Variants in ANO2 observed in about 807,000 individuals in gnomAD.
ANO2 encodes anoctamin-2.
Under a neutral mutation model 124.2 loss-of-function variants are expected in ANO2, and 101 were observed. The observed-to-expected ratio is 0.81, with a 90% CI of 0.69 to 0.96. ANO2 has a LOEUF of 0.96. ANO2 is among the 40% of genes least tolerant of loss of function. ANO2 has a pLI of 0.00. For synonymous variants in ANO2, 486 were observed against 482.5 expected (o/e 1.01, Z -0.09); for missense variants, 1,293 against 1,274.5 (o/e 1.01, Z -0.22).
intron 14 of ANO2, among the ~76,000 whole-genome samples, chr12:5,672,340 C>T (rs111477918): frequency 2.6e-5 from 4 of 152,286 alleles, no homozygotes; most frequent in African/African-American, 4.8e-5. Context: ...GCTGAGTTGT[C>T]GGTGCATTCT....
intron 5 of ANO2, among the ~76,000 whole-genome samples, chr12:5,831,662 A>G (rs146928603): frequency 2.0e-5 from 3 of 152,334 alleles, no homozygotes; most frequent in African/African-American, 7.2e-5. Flanking sequence ...GTGTAGGATA[A>G]TATCAAACAC....
At chr12:5,592,165 A>G (rs999441728) in intron 20 of ANO2, among the ~76,000 whole-genome samples, 8 of 152,172 alleles carry the variant, frequency 5.3e-5, no homozygotes, top group African/African-American at 1.9e-4. Flanking sequence ...CGGGACTTCT[A>G]TTTCTCTACC....
At chr12:5,614,956 G>T (rs1944725333) in intron 17 of ANO2, among the ~76,000 whole-genome samples, 1 of 152,162 alleles carries the variant, frequency 6.6e-6, no homozygotes, top group Non-Finnish European at 1.5e-5. Flanking sequence ...TCTCTTCAGG[G>T]ACCACAGCCA....
intron 3 of ANO2, among the ~76,000 whole-genome samples, chr12:5,876,933 A>G (rs936516490): frequency 1.3e-5 from 2 of 152,224 alleles, no homozygotes; most frequent in African/African-American, 4.8e-5. Flanking sequence ...CTATGTAACG[A>G]ATCTGCAGAT....
At chr12:5,598,552 C>T (rs1057120561) in intron 20 of ANO2, among the ~76,000 whole-genome samples, 15 of 152,172 alleles carry the variant, frequency 9.9e-5, no homozygotes, top group African/African-American at 2.9e-4. Context: ...GATGGAGTTT[C>T]ACCATGTTGG....
intron 19 of ANO2, among the ~76,000 whole-genome samples, chr12:5,605,471 T>C (rs1944172761): frequency 6.6e-6 from 1 of 152,212 alleles, no homozygotes; most frequent in African/African-American, 2.4e-5. Flanking sequence ...GCGAGACATT[T>C]TGACCGTGGC....
chr12:5,674,023 G>T (rs1376440859), intron 14 of ANO2, among the ~76,000 whole-genome samples: 4 of 152,136 alleles, frequency 2.6e-5, no homozygotes, highest in Non-Finnish European at 4.4e-5. Flanking sequence ...TTTCATCTCT[G>T]AGGCATCCTT....
At chr12:5,669,252 C>CA (rs1418742338) in intron 14 of ANO2, among the ~76,000 whole-genome samples, 3 of 152,052 alleles carry the variant, frequency 2.0e-5, no homozygotes, top group Admixed American at 1.3e-4. Flanking sequence ...AGAGGTCCTT[C>CA]ACTTCCCTTT....
intron 20 of ANO2, among the ~76,000 whole-genome samples, chr12:5,596,453 G>T (rs1459578828): frequency 6.6e-6 from 1 of 152,118 alleles, no homozygotes; most frequent in Admixed American, 6.5e-5. Flanking sequence ...TAAAAGGTTG[G>T]ATTTGGGAGA....
intron 15 of ANO2, among the ~76,000 whole-genome samples, chr12:5,644,580 T>G (rs1946538597): frequency 6.6e-6 from 1 of 152,226 alleles, no homozygotes; most frequent in Non-Finnish European, 1.5e-5. Flanking sequence ...TAGTTCTATC[T>G]TTTTTAACCT....
intron 14 of ANO2, among the ~76,000 whole-genome samples, chr12:5,672,601 ACATGCATGTGTGTG>A (rs2136989571): frequency 2.0e-5 from 1 of 50,416 alleles, no homozygotes; most frequent in South Asian, 9.3e-4. Context: ...GTGTGTGTGC[ACATGCATGTGTGTG>A]TGCACATGTG....
chr12:5,945,093 G>A, intron 1 of ANO2, 103 bp downstream of exon 1: 1 of 1,134,004 alleles, frequency 8.8e-7, no homozygotes, highest in Non-Finnish European at 1.2e-6. Flanking sequence ...GCTCCCTTGG[G>A]GGTCCCCAAT....
chr12:5,930,522 A>G (rs1942317566), intron 1 of ANO2, among the ~76,000 whole-genome samples: 1 of 152,334 alleles, frequency 6.6e-6, no homozygotes, highest in East Asian at 1.9e-4. Flanking sequence ...TCCTAAGAAG[A>G]GTAGGCAACC....
chr12:5,685,764 G>C (rs1478956694), intron 14 of ANO2, among the ~76,000 whole-genome samples: 1 of 151,798 alleles, frequency 6.6e-6, no homozygotes, highest in African/African-American at 2.4e-5. Flanking sequence ...GCAACAAAGT[G>C]AGACCCTGTC....
intron 14 of ANO2, among the ~76,000 whole-genome samples, chr12:5,716,579 C>T (rs1035294012): frequency 6.6e-6 from 1 of 152,190 alleles, no homozygotes; most frequent in African/African-American, 2.4e-5. Context: ...CAGCTGAGTA[C>T]ATTTCCAGGG....
At position 5,612,648 on chromosome 12, in the gene ANO2, T is replaced by C. The variant is rs2136905553; in HGVS notation, c.2087+8A>G. The C allele has an allele frequency of 6.2e-7, 1 of 1,612,560 alleles. No individual in the cohort carries two copies. The highest frequency in any genetic ancestry group is 2.2e-5 in the East Asian group (1 of 44,856). ...CAAGGAGAGAGGTTAGAGGAGTTCA[T>C]TACATACGGGACTCCAATCTCAAAG... On this transcript the variant is annotated splice_region_variant and intron_variant, in intron 19 of 24. Coordinates refer to ENST00000682330, the MANE Select transcript of ANO2 (RefSeq NM_001364791.2).
chr12:5,927,425 A>C (rs1056361084), intron 1 of ANO2, among the ~76,000 whole-genome samples: 16 of 152,218 alleles, frequency 1.1e-4, no homozygotes, highest in Non-Finnish European at 4.4e-5. Flanking sequence ...CAGAGACTGA[A>C]GGATGGAGAG....
At chr12:5,647,581 C>G (rs780109491) in intron 15 of ANO2, 146 bp downstream of exon 15, 27 of 714,142 alleles carry the variant, frequency 3.8e-5, no homozygotes, top group Non-Finnish European at 6.5e-5. Context: ...CACTATCAGA[C>G]AAGATCCTGC....
At chr12:5,876,685 T>C (rs536650370) in intron 3 of ANO2, among the ~76,000 whole-genome samples, 2 of 152,250 alleles carry the variant, frequency 1.3e-5, no homozygotes, top group South Asian at 2.1e-4. Flanking sequence ...TGCAGAGACA[T>C]GGATGAAGCT....
Sources: allele counts gnomAD v4.1 joint callset (sites outside exome capture counted in the v4.1 genomes callset), GRCh38; gene constraint gnomAD v4.1.1; transcripts MANE v1.5; gene names NCBI Gene and HGNC (gene_info 2026-07-23, HGNC 2026-07-21).